Variants in COL19A1 observed in about 807,000 individuals in gnomAD.
COL19A1 encodes collagen alpha-1(XIX) chain.
A neutral mutation model predicts 190.2 loss-of-function variants in COL19A1; 159 were observed. That is an observed-to-expected ratio of 0.84 (90% confidence interval 0.73 to 0.95). The LOEUF (loss-of-function observed/expected upper bound fraction) is 0.95. COL19A1 is among the 40% of genes least tolerant of loss of function. The probability of loss-of-function intolerance (pLI) is 0.00; values close to 1 mark genes in which losing one functional copy is unlikely to be tolerated. For synonymous variants in COL19A1, 509 were observed against 458.9 expected (o/e 1.11, Z -1.39); for missense variants, 1,418 against 1,431.9 (o/e 0.99, Z 0.16).
rs543673572 is a variant in COL19A1 at position 70,191,068 on chromosome 6, T to C, written c.3094+687T>C. On this transcript the variant is annotated intron_variant, in intron 48 of 50. Transcript: ENST00000620364. ...TGTTATCCCACTACAGCAACAGGAC[T>C]GAGCAATTGTGACAATATGGTACAT... Among the ~76,000 whole-genome samples, 4 of 152,368 alleles carry C rather than the reference T, an allele frequency of 2.6e-5. No individual in the cohort carries two copies. The South Asian group carries it at 6.2e-4, about 24-fold the overall frequency.
chr6:69,926,767 G>T (rs541419776), intron 4 of COL19A1, among the ~76,000 whole-genome samples: 8 of 152,054 alleles, frequency 5.3e-5, no homozygotes, highest in Non-Finnish European at 1.2e-4. Context: ...CATTCAGGAA[G>T]CTCAACAGAC....
chr6:70,070,238 C>G (rs1348374752), intron 15 of COL19A1, among the ~76,000 whole-genome samples: 1 of 152,008 alleles, frequency 6.6e-6, no homozygotes, highest in East Asian at 1.9e-4. Context: ...TCAAAGCTTG[C>G]ATTTCATAAG....
At chr6:70,110,352 A>T (rs775129113) in intron 16 of COL19A1, among the ~76,000 whole-genome samples, 5 of 152,178 alleles carry the variant, frequency 3.3e-5, no homozygotes, top group Non-Finnish European at 7.4e-5. Context: ...TTAAATGACT[A>T]AAGTCTGTGC....
At chr6:69,931,727 G>T (rs555003928) in intron 6 of COL19A1, among the ~76,000 whole-genome samples, 1 of 152,212 alleles carries the variant, frequency 6.6e-6, no homozygotes, top group Non-Finnish European at 1.5e-5. Context: ...TTAGTCTCAT[G>T]ATTTTGCATT....
chr6:70,182,211 A>C (rs574201414), intron 44 of COL19A1, among the ~76,000 whole-genome samples: 2 of 152,202 alleles, frequency 1.3e-5, no homozygotes, highest in African/African-American at 4.8e-5. Context: ...TAGGATGTAC[A>C]TTGAAGAGAG....
chr6:70,140,922 G>A (rs375933716), intron 19 of COL19A1, 32 bp from the exon 20 acceptor site: 76 of 1,606,454 alleles, frequency 4.7e-5, no homozygotes, highest in African/African-American at 8.0e-5. Flanking sequence ...TTCTAAGAGC[G>A]TTTAATTCTA....
At chr6:70,168,132 A>C in intron 38 of COL19A1, 39 bp from the exon 39 acceptor site, 1 of 1,609,576 alleles carries the variant, frequency 6.2e-7, no homozygotes. Context: ...AATTCGTCTC[A>C]TCTTTCTCTT....
chr6:70,061,698 T>A (rs80344788), intron 14 of COL19A1, among the ~76,000 whole-genome samples: 1 of 152,114 alleles, frequency 6.6e-6, no homozygotes, highest in Non-Finnish European at 1.5e-5. Flanking sequence ...TAGTAACTCA[T>A]GTTTAAAAAC....
At chr6:69,907,408 G>A (rs112239227) in intron 4 of COL19A1, among the ~76,000 whole-genome samples, 13,863 of 152,126 alleles carry the variant, frequency 0.091, 750 homozygotes, top group East Asian at 0.2. Context: ...GGGATTACAG[G>A]CATGAGCCAC....
intron 11 of COL19A1, among the ~76,000 whole-genome samples, chr6:69,975,121 T>C (rs530708391): frequency 1.3e-5 from 2 of 152,296 alleles, no homozygotes; most frequent in African/African-American, 4.8e-5. Context: ...CCAAGACAGC[T>C]TCTTAAACTG....
rs546666559 is a variant in COL19A1, at chr6:70,198,231, A to G, written c.3095-1377A>G. On this transcript the variant is annotated intron_variant, in intron 48 of 50. Coordinates refer to ENST00000620364, the MANE Select transcript of COL19A1 (RefSeq NM_001858.6). Reference sequence around the variant, plus strand: ...CGTTTCTACTGCGTTGTTGTCTGTCATTTGGTCTTTACTTACAAAATAAAT... The same window carrying G: ...CGTTTCTACTGCGTTGTTGTCTGTCGTTTGGTCTTTACTTACAAAATAAAT... Among the ~76,000 whole-genome samples, 124 of 152,306 alleles carry G rather than the reference A, an allele frequency of 8.1e-4. 1 individual carries two copies. The highest frequency in any genetic ancestry group is 2.1e-4 in the Non-Finnish European group (14 of 68,018).
chr6:69,897,326 A>G (rs778915294), intron 2 of COL19A1, among the ~76,000 whole-genome samples: 17 of 152,206 alleles, frequency 1.1e-4, no homozygotes, highest in Non-Finnish European at 2.4e-4. Flanking sequence ...ATGTGTACCA[A>G]CCCCACAGTA....
intron 17 of COL19A1, among the ~76,000 whole-genome samples, chr6:70,127,954 T>G (rs536196443): frequency 3.1e-4 from 47 of 152,296 alleles, no homozygotes; most frequent in African/African-American, 1.1e-3. Context: ...TTTCCTTAAT[T>G]GTTTTCAATT....
intron 17 of COL19A1, among the ~76,000 whole-genome samples, chr6:70,125,757 A>G (rs1222422261): frequency 2.0e-5 from 3 of 152,210 alleles, no homozygotes; most frequent in African/African-American, 7.2e-5. Context: ...AATAATGTGC[A>G]AAACAGCTGC....
Position 70,080,284 on chromosome 6 carries a change from G to A in COL19A1, c.1224+11808G>A, listed in dbSNP as rs564331787. Among the ~76,000 whole-genome samples, 19 of 152,256 alleles carry A rather than the reference G, an allele frequency of 1.2e-4. No individual in the cohort carries two copies. The South Asian group carries it at 3.9e-3, about 32-fold the overall frequency. On this transcript the variant is annotated intron_variant, in intron 15 of 50. Transcript: ENST00000620364. ...CTCATGAACAGCGAGCCCAACTTAG[G>A]TAAAAGTAGAGAGAAATATAGAAGT... is the stretch of plus-strand genomic sequence containing the variant.
intron 11 of COL19A1, among the ~76,000 whole-genome samples, chr6:70,008,121 GA>G (rs1300272006): frequency 2.6e-5 from 4 of 151,500 alleles, no homozygotes; most frequent in African/African-American, 9.7e-5. Flanking sequence ...CCACCTCCAA[GA>G]ATATGGAAAA....
chr6:70,163,674 G>T (rs1787961279), intron 36 of COL19A1, among the ~76,000 whole-genome samples: 1 of 152,212 alleles, frequency 6.6e-6, no homozygotes, highest in Non-Finnish European at 1.5e-5. Context: ...CTATGTGGAA[G>T]GATTGGGTGG....
chr6:70,056,003 C>A (rs1349190842), intron 14 of COL19A1, among the ~76,000 whole-genome samples: 2 of 151,868 alleles, frequency 1.3e-5, no homozygotes, highest in Non-Finnish European at 2.9e-5. Context: ...TCATTCAGAC[C>A]TGCTATTCCA....
At chr6:70,184,139 A>G (rs1766361881) in intron 44 of COL19A1, among the ~76,000 whole-genome samples, 1 of 152,214 alleles carries the variant, frequency 6.6e-6, no homozygotes, top group East Asian at 1.9e-4. Flanking sequence ...TTTCCAACTG[A>G]AAAATAACAA....
Sources: gnomAD v4.1 joint callset for allele counts (sites outside exome capture counted in the v4.1 genomes callset) on GRCh38, gnomAD v4.1.1 for gene constraint, MANE v1.5 for transcripts, NCBI Gene and HGNC (gene_info 2026-07-23, HGNC 2026-07-21) for gene names.